AUTS2: variants seen among roughly 807,000 people sequenced by gnomAD.
The protein encoded by AUTS2 is autism susceptibility gene 2 protein.
AUTS2 carries 17 observed loss-of-function variants against 112.4 expected under a neutral mutation model. The observed-to-expected ratio is 0.15, with a 90% CI of 0.10 to 0.23. The LOEUF (loss-of-function observed/expected upper bound fraction) is 0.23, where lower values mean the gene tolerates loss of function less well. Ranked by LOEUF, AUTS2 falls within the 10% of genes least tolerant of loss-of-function variation. The pLI is 1.00. For missense variants in AUTS2, 1,510 were observed against 1,701.6 expected (o/e 0.89, Z 1.98); for synonymous variants, 751 against 702.7 (o/e 1.07, Z -1.09).
At chr7:70,746,297 C>T (rs1422513015) in intron 6 of AUTS2, among the ~76,000 whole-genome samples, 1 of 152,070 alleles carries the variant, frequency 6.6e-6, no homozygotes, top group Non-Finnish European at 1.5e-5. Flanking sequence ...AGGTGGCTGC[C>T]ACCAGGCTGG....
intron 1 of AUTS2, among the ~76,000 whole-genome samples, chr7:69,872,802 CAT>C (rs1793556799): frequency 7.2e-6 from 1 of 138,160 alleles, no homozygotes; most frequent in Non-Finnish European, 1.5e-5. Context: ...TTGACTTTCA[CAT>C]TTGAGGTGGC....
At chr7:69,995,548 A>G (rs1798909934) in intron 2 of AUTS2, among the ~76,000 whole-genome samples, 1 of 152,066 alleles carries the variant, frequency 6.6e-6, no homozygotes, top group South Asian at 2.1e-4. Context: ...TTTCTGTGAT[A>G]CTTAATACTT....
intron 2 of AUTS2, among the ~76,000 whole-genome samples, chr7:70,085,242 G>C (rs75667224): frequency 2.6e-3 from 395 of 152,024 alleles, no homozygotes; most frequent in Middle Eastern, 6.8e-3. Context: ...AAGGATACAG[G>C]GTTTTCCCTT....
chr7:70,249,010 A>G (rs150382842), intron 4 of AUTS2, among the ~76,000 whole-genome samples: 35 of 152,316 alleles, frequency 2.3e-4, no homozygotes, highest in Non-Finnish European at 1.6e-4. Context: ...AATTTTTACT[A>G]TGGAAAGATA....
intron 4 of AUTS2, among the ~76,000 whole-genome samples, chr7:70,147,854 A>G (rs746203817): frequency 6.6e-6 from 1 of 152,044 alleles, no homozygotes; most frequent in African/African-American, 2.4e-5. Context: ...GGCACTCTAG[A>G]AGTCTTCACT....
At chr7:69,611,656 C>T (rs556234215) in intron 1 of AUTS2, among the ~76,000 whole-genome samples, 112 of 152,202 alleles carry the variant, frequency 7.4e-4, no homozygotes, top group African/African-American at 2.5e-3. Flanking sequence ...GTAGGCCGGG[C>T]GCGGTGGCTC....
chr7:70,236,206 G>GA (rs1265590206), intron 4 of AUTS2, among the ~76,000 whole-genome samples: 1 of 152,118 alleles, frequency 6.6e-6, no homozygotes, highest in Non-Finnish European at 1.5e-5. Context: ...CAGATGACTA[G>GA]AAAAATTTCT....
At chr7:69,731,879 TCTGGCTTGCCAAAG>T (rs1786810602) in intron 1 of AUTS2, among the ~76,000 whole-genome samples, 2 of 152,228 alleles carry the variant, frequency 1.3e-5, no homozygotes, top group Non-Finnish European at 2.9e-5. Context: ...CAAGTCAATC[TCTGGCTTGCCAAAG>T]CTGTCCTTTC....
chr7:70,609,272 A>C (rs1803943919), intron 5 of AUTS2, among the ~76,000 whole-genome samples: 1 of 151,976 alleles, frequency 6.6e-6, no homozygotes, highest in Non-Finnish European at 1.5e-5. Flanking sequence ...CTATAGCTCA[A>C]CTTTTTTAGA....
At chr7:69,959,255 A>G (rs936308235) in intron 2 of AUTS2, among the ~76,000 whole-genome samples, 2 of 152,152 alleles carry the variant, frequency 1.3e-5, no homozygotes, top group African/African-American at 4.8e-5. Context: ...CTTGGTTACA[A>G]TAAAGTGCTA....
intron 1 of AUTS2, among the ~76,000 whole-genome samples, chr7:69,858,707 G>A (rs1293400358): frequency 6.6e-6 from 1 of 152,192 alleles, no homozygotes; most frequent in Admixed American, 6.5e-5. Context: ...TGGCAAAGAG[G>A]AAGAGGAGTG....
At chr7:70,316,512 T>G (rs1436596727) in intron 4 of AUTS2, among the ~76,000 whole-genome samples, 1 of 149,514 alleles carries the variant, frequency 6.7e-6, no homozygotes, top group Non-Finnish European at 1.5e-5. Context: ...CAAGCGACTC[T>G]CCTGCCTCAG....
intron 5 of AUTS2, among the ~76,000 whole-genome samples, chr7:70,658,771 T>C (rs1398052237): frequency 7.9e-5 from 12 of 152,204 alleles, no homozygotes; most frequent in Non-Finnish European, 1.8e-4. Flanking sequence ...AGCCTGCGTA[T>C]TTTCTTATTT....
chr7:70,667,476 A>C (rs757630713), intron 5 of AUTS2, among the ~76,000 whole-genome samples: 6 of 152,246 alleles, frequency 3.9e-5, no homozygotes, highest in Non-Finnish European at 8.8e-5. Flanking sequence ...AATCGCCTTC[A>C]CACTTCTTTT....
chr7:70,515,019 A>G (rs1799358531), intron 5 of AUTS2, among the ~76,000 whole-genome samples: 1 of 152,226 alleles, frequency 6.6e-6, no homozygotes, highest in Non-Finnish European at 1.5e-5. Flanking sequence ...TACTCTGGAT[A>G]CTAATTTTTT....
intron 4 of AUTS2, among the ~76,000 whole-genome samples, chr7:70,327,777 A>G (rs966058292): frequency 6.6e-6 from 1 of 152,188 alleles, no homozygotes; most frequent in African/African-American, 2.4e-5. Flanking sequence ...CTGTTTTTGT[A>G]ATATGTTGTC....
At chr7:69,633,386 T>A (rs1213220086) in intron 1 of AUTS2, among the ~76,000 whole-genome samples, 1 of 152,194 alleles carries the variant, frequency 6.6e-6, no homozygotes, top group Non-Finnish European at 1.5e-5. Context: ...CCATATCTTA[T>A]GAATAATCCT....
intron 6 of AUTS2, among the ~76,000 whole-genome samples, chr7:70,700,153 C>T (rs182396535): frequency 9.1e-4 from 139 of 152,284 alleles, no homozygotes; most frequent in African/African-American, 3.3e-3. Flanking sequence ...TTCTTTCCCC[C>T]CCTTTTTTTC....
chr7:70,586,246 C>T (rs1563058498), intron 5 of AUTS2, among the ~76,000 whole-genome samples: 1 of 152,136 alleles, frequency 6.6e-6, no homozygotes, highest in Non-Finnish European at 1.5e-5. Flanking sequence ...AAATGCCATA[C>T]CGTGCATGAT....
Sources: allele counts gnomAD v4.1 joint callset (sites outside exome capture counted in the v4.1 genomes callset), GRCh38; gene constraint gnomAD v4.1.1; transcripts MANE v1.5; gene names NCBI Gene and HGNC (gene_info 2026-07-23, HGNC 2026-07-21).